The following RIMS2 variants were observed in gnomAD, a reference collection of about 807,000 sequenced individuals.
RIMS2 encodes the protein regulating synaptic membrane exocytosis protein 2.
RIMS2 carries 59 observed loss-of-function variants against 174.4 expected under a neutral mutation model. The observed-to-expected ratio is 0.34, with a 90% CI of 0.27 to 0.42. RIMS2 has a LOEUF of 0.42. Ranked by LOEUF, RIMS2 falls within the 10% of genes least tolerant of loss-of-function variation. The pLI is 1.00. For missense variants in RIMS2, 1,620 were observed against 1,666.3 expected (o/e 0.97, Z 0.48); for synonymous variants, 606 against 572.5 (o/e 1.06, Z -0.84).
In RIMS2 at chr8:103,619,846, G is replaced by A. The variant is rs191853518; in HGVS notation, c.177-77240G>A. The stretch of plus-strand genomic sequence containing the variant: ...TATAACAGTTCCTAGAAAAGGCTAT[G>A]TATTTTTCTGCTACAAGATGTATGT... On this transcript the variant is annotated intron_variant, in intron 1 of 23. Transcript: ENST00000504942. 6.0e-4 allele frequency among the ~76,000 whole-genome samples: 92 copies of A among 152,154 alleles called. No homozygotes were observed. In the Middle Eastern group the frequency reaches 0.024, roughly 39 times the overall value.
intron 14 of RIMS2, among the ~76,000 whole-genome samples, chr8:103,954,283 C>T (rs200542567): frequency 4.7e-5 from 7 of 149,178 alleles, no homozygotes; most frequent in South Asian, 2.2e-4. Context: ...CTCCACCCCA[C>T]ATCAACAGAA....
At chr8:104,093,779 A>G in intron 19 of RIMS2, 136 bp downstream of exon 24, 1 of 555,270 alleles carries the variant, frequency 1.8e-6, no homozygotes, top group South Asian at 3.2e-5. Flanking sequence ...TTCAGTACAT[A>G]CTACTTTTTA....
chr8:103,873,872 A>G (rs1244594521), intron 3 of RIMS2, among the ~76,000 whole-genome samples: 5 of 152,114 alleles, frequency 3.3e-5, no homozygotes, highest in South Asian at 4.1e-4. Context: ...AGAAAGCAAC[A>G]TACAGATTTT....
upstream of RIMS2, chr8:103,500,630 C>T (rs971123883): frequency 7.0e-6 from 3 of 430,024 alleles, no homozygotes; most frequent in African/African-American, 4.1e-5. Context: ...TCCCTTGAAC[C>T]GCTCACTTCA....
At chr8:104,184,879 A>C (rs566959950) in intron 19 of RIMS2, among the ~76,000 whole-genome samples, 1 of 151,420 alleles carries the variant, frequency 6.6e-6, no homozygotes, top group East Asian at 1.9e-4. Context: ...ACGTATGTAC[A>C]TATGTATCAT....
rs533658931 is a variant in RIMS2, at chr8:103,668,987, T to C, written c.177-28099T>C. Reference sequence around the variant, plus strand: ...CTCCAAATTAAGTGTGTAGCATTGTTTTCTAGATGGATTATCATAGTTTGT... The same window carrying C: ...CTCCAAATTAAGTGTGTAGCATTGTCTTCTAGATGGATTATCATAGTTTGT... On this transcript the variant is annotated intron_variant, in intron 1 of 23. Coordinates refer to ENST00000504942, the Ensembl canonical transcript of RIMS2. Among the ~76,000 whole-genome samples the C allele has an allele frequency of 9.8e-5, 15 of 152,292 alleles. No individual in the cohort carries two copies. In the South Asian group the frequency reaches 1.4e-3, roughly 15 times the overall value.
chr8:104,114,505 A>G (rs2098247489), intron 19 of RIMS2, among the ~76,000 whole-genome samples: 1 of 151,996 alleles, frequency 6.6e-6, no homozygotes, highest in Non-Finnish European at 1.5e-5. Context: ...TGAAAGGATT[A>G]GGTACTACTA....
At chr8:103,575,681 C>CATATATATATATATAT (rs199658419) in intron 1 of RIMS2, among the ~76,000 whole-genome samples, 6 of 141,860 alleles carry the variant, frequency 4.2e-5, no homozygotes. Flanking sequence ...TACACACACA[C>CATATATATATATATAT]ACACATATAT....
chr8:103,506,493 A>G (rs1204554538), intron 1 of RIMS2, among the ~76,000 whole-genome samples: 2 of 152,000 alleles, frequency 1.3e-5, no homozygotes, highest in Non-Finnish European at 2.9e-5. Context: ...ACCTATTTTG[A>G]AGGATTGTGA....
At chr8:103,595,234 TG>T (rs1274012402) in intron 1 of RIMS2, among the ~76,000 whole-genome samples, 1 of 151,882 alleles carries the variant, frequency 6.6e-6, no homozygotes, top group African/African-American at 2.4e-5. Context: ...AATATCTATT[TG>T]AAGTGTCCAT....
intron 2 of RIMS2, among the ~76,000 whole-genome samples, chr8:103,750,171 T>A (rs1012129009): frequency 1.3e-5 from 2 of 152,072 alleles, no homozygotes; most frequent in African/African-American, 2.4e-5. Flanking sequence ...GTTAACCTAT[T>A]TTTTCCCCTA....
chr8:104,093,099 G>A (rs561089995), intron 19 of RIMS2, among the ~76,000 whole-genome samples: 2 of 151,804 alleles, frequency 1.3e-5, no homozygotes, highest in African/African-American at 4.8e-5. Flanking sequence ...AAGCATAATG[G>A]ATTAATTGAT....
At chr8:103,667,413 A>G (rs1001042855) in intron 1 of RIMS2, among the ~76,000 whole-genome samples, 1 of 152,210 alleles carries the variant, frequency 6.6e-6, no homozygotes, top group African/African-American at 2.4e-5. Context: ...ACTGTGTAAA[A>G]AGAGACCGCC....
chr8:104,141,167 G>A (rs1198290761), intron 19 of RIMS2, among the ~76,000 whole-genome samples: 1 of 152,088 alleles, frequency 6.6e-6, no homozygotes, highest in Non-Finnish European at 1.5e-5. Context: ...ATAGACAAAT[G>A]ATTAGGTACC....
intron 12 of RIMS2, among the ~76,000 whole-genome samples, 184 bp downstream of exon 14, chr8:103,931,577 G>T (rs549836733): frequency 6.6e-6 from 1 of 152,046 alleles, no homozygotes; most frequent in South Asian, 2.1e-4. Context: ...AAACTCACAT[G>T]TCGTATATGT....
intron 17 of RIMS2, 134 bp downstream of exon 19, chr8:103,989,555 C>T: frequency 3.7e-6 from 2 of 542,802 alleles, no homozygotes; most frequent in Non-Finnish European, 6.5e-6. Context: ...ACAACGCTTA[C>T]ATTATTTCTT....
intron 10 of RIMS2, chr8:103,922,746 G>T (rs1384941405): frequency 6.8e-6 from 2 of 293,714 alleles, no homozygotes; most frequent in Non-Finnish European, 7.3e-6. Context: ...TTTTTTGGGG[G>T]TGGGTGGGGA....
intron 1 of RIMS2, among the ~76,000 whole-genome samples, chr8:103,567,759 C>G (rs2092480518): frequency 6.6e-6 from 1 of 152,134 alleles, no homozygotes; most frequent in African/African-American, 2.4e-5. Context: ...AAGGGTTGCA[C>G]TATTTTACAT....
At chr8:104,021,636 G>GT (rs373771859) in intron 19 of RIMS2, among the ~76,000 whole-genome samples, 1 of 152,188 alleles carries the variant, frequency 6.6e-6, no homozygotes, top group African/African-American at 2.4e-5. Flanking sequence ...TTATCATAAG[G>GT]TTTTTTTGTC....
Sources: gnomAD v4.1 joint callset for allele counts (sites outside exome capture counted in the v4.1 genomes callset) on GRCh38, gnomAD v4.1.1 for gene constraint, MANE v1.5 for transcripts, NCBI Gene and HGNC (gene_info 2026-07-23, HGNC 2026-07-21) for gene names.